FILIP1L: variants seen among roughly 807,000 people sequenced by gnomAD.
FILIP1L encodes the protein filamin A-interacting protein 1-like.
In FILIP1L, 55 loss-of-function variants were observed where a neutral mutation model predicts 96.6. The ratio of observed to expected loss-of-function variants is 0.57; its 90% CI spans 0.46 to 0.71. The LOEUF is 0.71. Ranked by LOEUF, FILIP1L falls within the 30% of genes least tolerant of loss-of-function variation. The pLI, the probability that FILIP1L is intolerant of heterozygous loss-of-function variation, is 0.00. For synonymous variants in FILIP1L, 467 were observed against 473.9 expected (o/e 0.99, Z 0.19); for missense variants, 1,304 against 1,321.2 (o/e 0.99, Z 0.20).
At chr3:100,041,001 G>C (rs572176795) in intron 1 of FILIP1L, 1 of 152,168 alleles carries the variant, frequency 6.6e-6, no homozygotes, top group Non-Finnish European at 1.5e-5. Context: ...CTGTCCTGAA[G>C]TATGTCTTTG....
chr3:99,962,044 CA>C (rs1303482909), intron 1 of FILIP1L, among the ~76,000 whole-genome samples: 1 of 152,114 alleles, frequency 6.6e-6, no homozygotes, highest in Non-Finnish European at 1.5e-5. Context: ...AATTTTTCTG[CA>C]GGACACACCA....
intron 4 of FILIP1L, among the ~76,000 whole-genome samples, chr3:99,866,724 C>G (rs1944540364): frequency 6.6e-6 from 1 of 152,088 alleles, no homozygotes. Context: ...CTACCTTTAC[C>G]CACTCTTCCT....
At chr3:99,973,823 G>A (rs1256444037) in intron 1 of FILIP1L, among the ~76,000 whole-genome samples, 2 of 152,172 alleles carry the variant, frequency 1.3e-5, no homozygotes, top group African/African-American at 2.4e-5. Context: ...TCTATTCCTA[G>A]GCCTGGTGTT....
At chr3:99,937,946 G>A (rs1176633654) in intron 1 of FILIP1L, among the ~76,000 whole-genome samples, 3 of 152,240 alleles carry the variant, frequency 2.0e-5, no homozygotes, top group African/African-American at 7.2e-5. Flanking sequence ...TAGGAAGGGA[G>A]TTGGTAAAGG....
At chr3:99,922,785 GA>G (rs1209931899) in intron 4 of FILIP1L, among the ~76,000 whole-genome samples, 4 of 152,166 alleles carry the variant, frequency 2.6e-5, no homozygotes, top group Admixed American at 1.3e-4. Context: ...CATATGGTTA[GA>G]AAATATTTAC....
chr3:99,859,108 AAT>A (rs1432112056), intron 4 of FILIP1L, among the ~76,000 whole-genome samples: 49 of 152,360 alleles, frequency 3.2e-4, no homozygotes, highest in African/African-American at 1.2e-3. Flanking sequence ...TTGAAACTCC[AAT>A]TTGAAATAAG....
At chr3:100,107,877 T>TAAAAAAAA (rs11322494) in intron 1 of FILIP1L, among the ~76,000 whole-genome samples, 4 of 130,060 alleles carry the variant, frequency 3.1e-5, no homozygotes, top group African/African-American at 5.9e-5. Flanking sequence ...GCAAGAGAAT[T>TAAAAAAAA]AAAAAAAAAA....
At chr3:99,831,412 T>C (rs1252448414) in intron 5 of FILIP1L, among the ~76,000 whole-genome samples, 4 of 152,218 alleles carry the variant, frequency 2.6e-5, no homozygotes, top group Non-Finnish European at 4.4e-5. Flanking sequence ...ACATTTTCTG[T>C]GTTCTCCACA....
At chr3:99,889,244 G>T (rs1276199418) in intron 4 of FILIP1L, among the ~76,000 whole-genome samples, 1 of 151,972 alleles carries the variant, frequency 6.6e-6, no homozygotes, top group Non-Finnish European at 1.5e-5. Flanking sequence ...TTGTCCTTGT[G>T]TTTCTGGCAA....
At chr3:100,010,721 TCTC>T (rs35557084) in intron 1 of FILIP1L, among the ~76,000 whole-genome samples, 23,696 of 150,202 alleles carry the variant, frequency 0.16, 2,236 homozygotes, top group South Asian at 0.21. Context: ...TTCAAGCAGT[TCTC>T]CTGCCTCAGC....
intron 4 of FILIP1L, among the ~76,000 whole-genome samples, chr3:99,911,446 G>T (rs1706784397): frequency 6.6e-6 from 1 of 151,788 alleles, no homozygotes; most frequent in Non-Finnish European, 1.5e-5. Context: ...CTAACAACTT[G>T]CCAGTGGTGG....
intron 3 of FILIP1L, among the ~76,000 whole-genome samples, chr3:99,927,861 T>C (rs544096844): frequency 3.3e-5 from 5 of 152,316 alleles, no homozygotes; most frequent in African/African-American, 1.2e-4. Flanking sequence ...CCAAGCATGT[T>C]CCAGCTCACA....
intron 1 of FILIP1L, among the ~76,000 whole-genome samples, chr3:99,990,031 A>G (rs533372056): frequency 1.1e-3 from 164 of 152,320 alleles, no homozygotes; most frequent in African/African-American, 3.8e-3. Context: ...GAGTCTTTAA[A>G]TCCCATAAAA....
chr3:99,880,415 A>G (rs1705684760), intron 4 of FILIP1L, among the ~76,000 whole-genome samples: 1 of 152,174 alleles, frequency 6.6e-6, no homozygotes, highest in African/African-American at 2.4e-5. Flanking sequence ...GTCTATATAT[A>G]TAGACCCTCT....
At chr3:100,099,252 G>A (rs73859922) in intron 1 of FILIP1L, among the ~76,000 whole-genome samples, 30,259 of 152,072 alleles carry the variant, frequency 0.2, 3,226 homozygotes, top group African/African-American at 0.27. Flanking sequence ...CACACTAGGA[G>A]CAATCAAATA....
At chr3:99,908,993 A>G (rs150860933) in intron 4 of FILIP1L, among the ~76,000 whole-genome samples, 1 of 152,274 alleles carries the variant, frequency 6.6e-6, no homozygotes, top group African/African-American at 2.4e-5. Flanking sequence ...TTACCAGTTA[A>G]CAACTCTATA....
intron 4 of FILIP1L, chr3:99,876,262 GGGCGCCGGTGACC>G (rs1705514882): frequency 1.0e-6 from 1 of 974,138 alleles, no homozygotes; most frequent in Non-Finnish European, 1.2e-6. Flanking sequence ...CTGTCGGCGG[GGGCGCCGGTGACC>G]GCGGGACCCT....
intron 1 of FILIP1L, among the ~76,000 whole-genome samples, chr3:100,029,855 C>T (rs1230023427): frequency 6.6e-6 from 1 of 152,022 alleles, no homozygotes; most frequent in East Asian, 1.9e-4. Context: ...TAGGAGATGT[C>T]AACAGTCAAA....
intron 1 of FILIP1L, among the ~76,000 whole-genome samples, chr3:99,945,486 G>GACT (rs1707982246): frequency 6.6e-6 from 1 of 152,142 alleles, no homozygotes; most frequent in Non-Finnish European, 1.5e-5. Flanking sequence ...TAAGGAGGGT[G>GACT]GCTGCTGCTA....
Sources: allele counts gnomAD v4.1 joint callset (sites outside exome capture counted in the v4.1 genomes callset), GRCh38; gene constraint gnomAD v4.1.1; transcripts MANE v1.5; gene names NCBI Gene and HGNC (gene_info 2026-07-23, HGNC 2026-07-21).